The following CTIF variants were observed in gnomAD, a reference collection of about 807,000 sequenced individuals.
CTIF encodes CBP80/20-dependent translation initiation factor.
In CTIF, 21 loss-of-function variants were observed where a neutral mutation model predicts 66.0. The observed-to-expected ratio is 0.32, with a 90% CI of 0.23 to 0.46. CTIF has a LOEUF of 0.46. Among genes scored for constraint, CTIF ranks in the 20% least tolerant of loss-of-function variants. The probability of loss-of-function intolerance (pLI) is 1.00; values close to 1 mark genes in which losing one functional copy is unlikely to be tolerated. For synonymous variants in CTIF, 345 were observed against 326.4 expected (o/e 1.06, Z -0.62); for missense variants, 739 against 812.7 (o/e 0.91, Z 1.10).
rs538961834 is a variant in CTIF at position 48,618,181 on chromosome 18, T to G, written c.-28-1357T>G. On this transcript the variant is annotated intron_variant, in intron 1 of 11. Coordinates refer to ENST00000256413, the MANE Select transcript of CTIF (RefSeq NM_014772.3). The stretch of plus-strand genomic sequence containing the variant: ...GTGAAAACACTCAACAAACCCTAGA[T>G]TATTGGCAAATAACTGTGTTCCAAA... 2.0e-5 allele frequency among the ~76,000 whole-genome samples: 3 copies of G among 152,334 alleles called. No homozygotes were observed. The South Asian group carries it at 6.2e-4, about 32-fold the overall frequency.
chr18:48,664,478 C>T lies in CTIF; in HGVS notation c.358C>T (p.Leu120=). 6.2e-7 allele frequency: 1 copy of T among 1,613,722 alleles called. No individual in the cohort carries two copies. Among genetic ancestry groups the T allele is most frequent in the Non-Finnish European group, 8.5e-7 (1 of 1,179,984 alleles). ...CACCTGGGACCTGCAGCCGGAAAAGCTGGACTTCACCCAGTTCCACCGCAA... is the reference window on the plus strand; with the variant it reads ...CACCTGGGACCTGCAGCCGGAAAAGTTGGACTTCACCCAGTTCCACCGCAA... ...GATWDLQPEK[L]DFTQFHRKVR... is the part of the protein sequence containing the mutation. The change falls in exon 5 of 12, where the codon CTG becomes TTG. Residue 120 remains leucine, a synonymous_variant. Transcript: ENST00000256413.
chr18:48,804,270 C>T (rs1307622494), intron 9 of CTIF, among the ~76,000 whole-genome samples: 2 of 152,216 alleles, frequency 1.3e-5, no homozygotes, highest in Admixed American at 1.3e-4. Flanking sequence ...CAGCCCAGTG[C>T]CCACATGGTC....
chr18:48,626,297 G>A (rs1028593890), intron 2 of CTIF, among the ~76,000 whole-genome samples: 6 of 151,830 alleles, frequency 4.0e-5, no homozygotes, highest in Non-Finnish European at 7.4e-5. Context: ...CACCGCGCCC[G>A]GCCACATTGT....
chr18:48,638,169 G>A (rs563206382), intron 3 of CTIF, among the ~76,000 whole-genome samples: 2 of 152,270 alleles, frequency 1.3e-5, no homozygotes, highest in East Asian at 3.9e-4. Flanking sequence ...GCTCCTGCCA[G>A]TTATTCTGGG....
At chr18:48,840,842 C>T (rs2146538556) in intron 10 of CTIF, among the ~76,000 whole-genome samples, 1 of 152,218 alleles carries the variant, frequency 6.6e-6, no homozygotes, top group South Asian at 2.1e-4. Context: ...TCCAACCCAG[C>T]TCCTGCCACA....
chr18:48,818,575 G>T lies in CTIF; in HGVS notation c.1527+1199G>T, dbSNP rs2146338131. Among the ~76,000 whole-genome samples the T allele has an allele frequency of 2.0e-5, 3 of 152,244 alleles. No individual in the cohort carries two copies. The South Asian group carries it at 6.2e-4, about 32-fold the overall frequency. On this transcript the variant is annotated intron_variant, in intron 10 of 11. Transcript: ENST00000256413. ...CACGCATGGAGGTAGGGGATAGAGG[G>T]TTCTGGGAAGTATCGATATGCACCT...
chr18:48,570,009 A>G (rs183741735), intron 1 of CTIF, among the ~76,000 whole-genome samples: 467 of 152,330 alleles, frequency 3.1e-3, no homozygotes, highest in Non-Finnish European at 5.6e-3. Context: ...TCCGAACTTC[A>G]TGTTAGCAAT....
At chr18:48,819,506 G>A (rs1360161698) in intron 10 of CTIF, among the ~76,000 whole-genome samples, 3 of 152,200 alleles carry the variant, frequency 2.0e-5, no homozygotes, top group African/African-American at 7.2e-5. Context: ...GGCTGTAGCC[G>A]AGCGCCGGCC....
chr18:48,717,753 G>T (rs1027902097), intron 7 of CTIF, among the ~76,000 whole-genome samples: 7 of 152,074 alleles, frequency 4.6e-5, no homozygotes, highest in African/African-American at 1.4e-4. Context: ...TAGCAACAGG[G>T]TCTTGCTCTG....
intron 7 of CTIF, among the ~76,000 whole-genome samples, chr18:48,718,467 G>A (rs551444317): frequency 6.6e-6 from 1 of 152,170 alleles, no homozygotes; most frequent in Non-Finnish European, 1.5e-5. Context: ...AAGTCCGAAG[G>A]CCAAGAAACA....
intron 1 of CTIF, among the ~76,000 whole-genome samples, chr18:48,597,107 CATAGG>C (rs2090000395): frequency 6.6e-6 from 1 of 152,212 alleles, no homozygotes; most frequent in African/African-American, 2.4e-5. Context: ...TCTAGTGCAA[CATAGG>C]ATAGAACAGT....
intron 2 of CTIF, chr18:48,621,488 C>T: frequency 2.9e-6 from 1 of 343,016 alleles, no homozygotes; most frequent in Non-Finnish European, 5.5e-6. Flanking sequence ...GAGTCCTGAG[C>T]CCTGGAGTGG....
Position 48,619,695 on chromosome 18 carries a change from A to C in CTIF, c.130A>C (p.Lys44Gln). The C allele has an allele frequency of 6.2e-7, 1 of 1,608,346 alleles. No individual in the cohort carries two copies. The change falls in exon 2 of 12, where the codon AAG becomes CAG. Residue 44 changes from lysine to glutamine, a missense_variant. This residue lies in a region of CTIF where 529 missense variants were observed against 520.3 expected (regional missense o/e 1.02). Transcript: ENST00000256413. The part of the protein sequence containing the change: ...EYQVQGLLAD[K>Q]TEGDGESERT... ...CCAGGTGCAGGGGCTGCTGGCTGAC[A>C]AGACGGAGGGTGATGGCGAGAGCGA...
In CTIF at chr18:48,863,198, C is replaced by A. The variant is rs900885219; in HGVS notation, c.*3639C>A. The A allele has an allele frequency of 1.3e-5, 2 of 149,622 alleles. No homozygotes were observed. Among genetic ancestry groups the A allele is most frequent in the African/African-American group, 5.0e-5 (2 of 40,158 alleles). 9.3% of individuals were successfully genotyped at this position (149,622 alleles called of 1,614,324 possible). On this transcript the variant is annotated 3_prime_UTR_variant, in exon 12 of 12. Coordinates refer to ENST00000256413, the MANE Select transcript of CTIF (RefSeq NM_014772.3). ...CTACAAGTGGGTTTAAAAAAATAAA[C>A]ACCACCACCAAAAACAAAATGCCCA...
chr18:48,662,759 GT>G (rs1400449001), intron 3 of CTIF: 1 of 151,794 alleles, frequency 6.6e-6, no homozygotes, highest in Non-Finnish European at 1.5e-5. Flanking sequence ...AACATAATTG[GT>G]TCTCTTTTGC....
intron 9 of CTIF, among the ~76,000 whole-genome samples, chr18:48,786,637 G>C (rs1033349017): frequency 6.6e-6 from 1 of 152,204 alleles, no homozygotes; most frequent in Admixed American, 6.5e-5. Flanking sequence ...GCAGAAACTC[G>C]ATGGAACATG....
chr18:48,543,401 A>T (rs2088671121), intron 1 of CTIF, among the ~76,000 whole-genome samples: 1 of 151,752 alleles, frequency 6.6e-6, no homozygotes, highest in South Asian at 2.1e-4. Flanking sequence ...CTCACTGCTG[A>T]CTCACCGGCA....
intron 6 of CTIF, among the ~76,000 whole-genome samples, chr18:48,683,384 C>T (rs2091779955): frequency 6.7e-6 from 1 of 149,672 alleles, no homozygotes; most frequent in Non-Finnish European, 1.5e-5. Flanking sequence ...CACTGTCCCT[C>T]CGAGCATCAG....
intron 9 of CTIF, among the ~76,000 whole-genome samples, chr18:48,807,113 G>T (rs1304443115): frequency 6.6e-6 from 1 of 152,142 alleles, no homozygotes; most frequent in African/African-American, 2.4e-5. Context: ...TGTTCCAGAG[G>T]AAAAGCTGGC....
Sources: gnomAD v4.1 joint callset for allele counts (sites outside exome capture counted in the v4.1 genomes callset) on GRCh38, gnomAD v4.1.1 for gene constraint, gnomAD v4.1.1 regional missense constraint, MANE v1.5 for transcripts, NCBI Gene and HGNC (gene_info 2026-07-23, HGNC 2026-07-21) for gene names.